Variants in CHMP4A observed in about 807,000 individuals in gnomAD.
CHMP4A encodes the protein SNF7 homolog associated with Alix-2.
In CHMP4A, 29 loss-of-function variants were observed where a neutral mutation model predicts 28.2. That is an observed-to-expected ratio of 1.03 (90% confidence interval 0.77 to 1.40). The LOEUF (loss-of-function observed/expected upper bound fraction) is 1.40. Ranked by LOEUF, CHMP4A falls within the 40% of genes most tolerant of loss-of-function variation. The pLI is 0.00. For synonymous variants in CHMP4A, 88 were observed against 99.3 expected (o/e 0.89, Z 0.67); for missense variants, 241 against 263.5 (o/e 0.91, Z 0.59).
At chr14:24,211,872 A>C (rs747322251) in intron 1 of CHMP4A, 43 bp from the exon 2 acceptor site, 1 of 1,557,442 alleles carries the variant, frequency 6.4e-7, no homozygotes, top group Non-Finnish European at 8.7e-7. Flanking sequence ...GTGAAGGAAA[A>C]ATATTAGCCA....
chr14:24,213,416 G>A lies in CHMP4A; in HGVS notation c.24C>T (p.Phe8=). The change falls in exon 1 of 6, where the codon TTC becomes TTT. Residue 8 remains phenylalanine (F), a synonymous_variant. Coordinates refer to ENST00000347519, the MANE Select transcript of CHMP4A (RefSeq NM_014169.5). MSGLGRL[F]GKGKKEKGPT... is the part of the protein sequence containing the mutation. ...AGTCCCACCCTGGCTCACCCTTCCC[G>A]AAGAGCCTGCCGAGACCACTCATCG... The A allele has an allele frequency of 6.2e-7, 1 of 1,602,516 alleles. No homozygotes were observed. Among genetic ancestry groups the A allele is most frequent in the Non-Finnish European group, 8.5e-7 (1 of 1,176,410 alleles).
In CHMP4A at chr14:24,210,873, G is replaced by A. The variant is rs538774416; in HGVS notation, c.360-105C>T. ...CTGCCTTGCAGGGTCACACTGATAA[G>A]CCCATAACTATCAATCAGAAGAGAT... On this transcript the variant is annotated intron_variant, in intron 3 of 5. Coordinates refer to ENST00000347519, the MANE Select transcript of CHMP4A (RefSeq NM_014169.5). 1.1e-5 allele frequency: 9 copies of A among 798,148 alleles called. No individual in the cohort carries two copies. The East Asian group carries it at 2.2e-4, about 20-fold the overall frequency. 49.4% of individuals were successfully genotyped at this position (798,148 alleles called of 1,614,324 possible). A position where few individuals can be genotyped will look rare whatever the true frequency, so the allele number is the denominator to read the frequency against.
rs1566659074 is a variant in CHMP4A, at chr14:24,211,503, C to CA, written c.270dup (p.Glu91Ter). 1 of 1,614,142 alleles carries CA rather than the reference C, an allele frequency of 6.2e-7. No homozygotes were observed. The highest frequency in any genetic ancestry group is 1.1e-5 in the South Asian group (1 of 91,076). On this transcript the variant is annotated frameshift_variant, in exon 3 of 6. Transcript: ENST00000347519. LOFTEE classifies it high-confidence loss of function. ...TTGGTAGTGGCATTCTCAATGGCCTCACGCTGAAACTCCAGGGTGGATAAT... is the reference window on the plus strand; with the variant it reads ...TTGGTAGTGGCATTCTCAATGGCCTCAACGCTGAAACTCCAGGGTGGATAAT...
chr14:24,212,932 C>T (rs1272988826), intron 1 of CHMP4A: 1 of 162,024 alleles, frequency 6.2e-6, no homozygotes, highest in African/African-American at 2.4e-5. Context: ...AAACTCCTGA[C>T]CTCATGATCC....
At chr14:24,212,518 G>T in intron 1 of CHMP4A, 2 of 355,894 alleles carry the variant, frequency 5.6e-6, no homozygotes, top group Non-Finnish European at 1.1e-5. Context: ...TCCCTGAGTA[G>T]CTGGGACTAC....
chr14:24,212,188 G>A (rs1274371618), intron 1 of CHMP4A: 3 of 180,762 alleles, frequency 1.7e-5, no homozygotes, highest in Admixed American at 1.2e-4. Context: ...CCGCCTCCTG[G>A]GTTCAAGCAA....
At chr14:24,213,383 G>A (rs2039615987) in intron 1 of CHMP4A, 26 bp downstream of exon 1, 2 of 1,554,432 alleles carry the variant, frequency 1.3e-6, no homozygotes, top group Non-Finnish European at 1.7e-6. Context: ...AGCGCCTCCT[G>A]GCTGGCCAGT....
At position 24,211,503 on chromosome 14, in the gene CHMP4A, C is replaced by CAA; in HGVS notation, c.270_271insTT (p.Glu91LeufsTer24). ...TTGGTAGTGGCATTCTCAATGGCCT[C>CAA]ACGCTGAAACTCCAGGGTGGATAAT... is the stretch of plus-strand genomic sequence containing the variant. On this transcript the variant is annotated frameshift_variant, in exon 3 of 6. Coordinates refer to ENST00000347519, the MANE Select transcript of CHMP4A (RefSeq NM_014169.5). LOFTEE classifies it high-confidence loss of function. 1.2e-6 allele frequency: 2 copies of CAA among 1,614,142 alleles called. No homozygotes were observed. The highest frequency in any genetic ancestry group is 1.7e-6 in the Non-Finnish European group (2 of 1,180,000).
intron 4 of CHMP4A, 38 bp downstream of exon 4, chr14:24,210,616 C>T: frequency 6.3e-7 from 1 of 1,598,824 alleles, no homozygotes; most frequent in Non-Finnish European, 8.6e-7. Context: ...CAGTCCCATA[C>T]TTTCTGCAAT....
intron 5 of CHMP4A, among the ~76,000 whole-genome samples, 172 bp downstream of exon 5, chr14:24,210,173 CTTG>C (rs2039578697): frequency 6.6e-6 from 1 of 152,018 alleles, no homozygotes; most frequent in African/African-American, 2.4e-5. Context: ...GGGTACACGG[CTTG>C]TTGAGTGAAG....
In CHMP4A at chr14:24,209,825, T is replaced by C; in HGVS notation, c.*52A>G. 1 of 1,548,446 alleles carries C rather than the reference T, an allele frequency of 6.5e-7. No homozygotes were observed. Among genetic ancestry groups the C allele is most frequent in the Non-Finnish European group, 8.9e-7 (1 of 1,120,298 alleles). On this transcript the variant is annotated 3_prime_UTR_variant, in exon 6 of 6. Transcript: ENST00000347519. ...CTCCTTTAGCTCAGCACTTGGCACTTAAGGAAGAAAGGACCAACAAAGGTA... is the reference window on the plus strand; with the variant it reads ...CTCCTTTAGCTCAGCACTTGGCACTCAAGGAAGAAAGGACCAACAAAGGTA...
Position 24,209,685 on chromosome 14 carries a change from T to C in CHMP4A, c.*192A>G. ...ATCAAAGAGAAGGGAGCCCAAGGGCTCCTTCTGTAGCAAGATCCTTCTTCA... is the reference window on the plus strand; with the variant it reads ...ATCAAAGAGAAGGGAGCCCAAGGGCCCCTTCTGTAGCAAGATCCTTCTTCA... On this transcript the variant is annotated 3_prime_UTR_variant, in exon 6 of 6. Transcript: ENST00000347519. 1 of 622,554 alleles carries C rather than the reference T, an allele frequency of 1.6e-6. No individual in the cohort carries two copies. Among genetic ancestry groups the C allele is most frequent in the Non-Finnish European group, 2.9e-6 (1 of 345,798 alleles). 38.6% of individuals were successfully genotyped at this position (622,554 alleles called of 1,614,324 possible). A position where few individuals can be genotyped will look rare whatever the true frequency, so the allele number is the denominator to read the frequency against.
chr14:24,211,352 A>C, intron 3 of CHMP4A, 63 bp downstream of exon 3: 1 of 1,406,296 alleles, frequency 7.1e-7, no homozygotes, highest in Non-Finnish European at 9.8e-7. Context: ...TAAAGTTTAA[A>C]GTGTGATAGC....
intron 1 of CHMP4A, among the ~76,000 whole-genome samples, chr14:24,212,265 TTG>T (rs1411546555): frequency 6.6e-6 from 1 of 151,830 alleles, no homozygotes; most frequent in African/African-American, 2.4e-5. Context: ...GGCTAATTTT[TTG>T]TGTTTTTAGT....
At chr14:24,211,960 C>A in intron 1 of CHMP4A, 131 bp from the exon 2 acceptor site, 1 of 732,810 alleles carries the variant, frequency 1.4e-6, no homozygotes, top group South Asian at 2.4e-5. Context: ...AATGAACGTG[C>A]TATCTCTTCA....
intron 5 of CHMP4A, 64 bp downstream of exon 5, chr14:24,210,284 T>C (rs1177099872): frequency 2.6e-6 from 4 of 1,564,988 alleles, no homozygotes; most frequent in Non-Finnish European, 2.6e-6. Context: ...GGATGAGGAA[T>C]AATCTTTCCC....
intron 5 of CHMP4A, 122 bp from the exon 6 acceptor site, chr14:24,210,057 A>G: frequency 1.0e-6 from 1 of 989,700 alleles, no homozygotes; most frequent in Non-Finnish European, 1.6e-6. Flanking sequence ...AAAAAACCTA[A>G]AGGTATGGTC....
chr14:24,211,635 T>C, intron 2 of CHMP4A, 43 bp from the exon 3 acceptor site: 1 of 1,610,852 alleles, frequency 6.2e-7, no homozygotes, highest in Non-Finnish European at 8.5e-7. Flanking sequence ...CAGAAGCACC[T>C]GCTTCCCATC....
chr14:24,211,729 A>T lies in CHMP4A; in HGVS notation c.132T>A (p.Ile44=). ...IKKQEFLEQK[I]QQELQTAKKY... ...TCTTGGCTGTTTGTAGCTCCTGTTG[A>T]ATCTTCTGCTCCAAAAATTCCTGTT... The change falls in exon 2 of 6, where the codon ATT becomes ATA. Residue 44 remains isoleucine, a synonymous_variant. Coordinates refer to ENST00000347519, the MANE Select transcript of CHMP4A (RefSeq NM_014169.5). 1 of 1,614,094 alleles carries T rather than the reference A, an allele frequency of 6.2e-7. No homozygotes were observed. The highest frequency in any genetic ancestry group is 8.5e-7 in the Non-Finnish European group (1 of 1,180,014).
Sources: allele counts gnomAD v4.1 joint callset (sites outside exome capture counted in the v4.1 genomes callset), GRCh38; gene constraint gnomAD v4.1.1; transcripts MANE v1.5; gene names NCBI Gene and HGNC (gene_info 2026-07-23, HGNC 2026-07-21).